The following DLG2 variants were observed in gnomAD, a reference collection of about 807,000 sequenced individuals.
DLG2 encodes discs large MAGUK scaffold protein 2, also known as disks large homolog 2.
A neutral mutation model predicts 132.5 loss-of-function variants in DLG2; 45 were observed. That is an observed-to-expected ratio of 0.34 (90% CI 0.27 to 0.44). The LOEUF is 0.44. Ranked by LOEUF, DLG2 falls within the 20% of genes least tolerant of loss-of-function variation. The probability of loss-of-function intolerance (pLI) is 1.00; values close to 1 mark genes in which losing one functional copy is unlikely to be tolerated. For missense variants in DLG2, 1,045 were observed against 1,196.9 expected (o/e 0.87, Z 1.87); for synonymous variants, 424 against 419.6 (o/e 1.01, Z -0.13).
chr11:84,294,887 AC>A (rs2098067334), intron 7 of DLG2, among the ~76,000 whole-genome samples: 1 of 152,176 alleles, frequency 6.6e-6, no homozygotes. Context: ...TGACACATTT[AC>A]CCCAATAAAA....
chr11:83,511,498 A>G (rs2095030575), intron 21 of DLG2, among the ~76,000 whole-genome samples: 1 of 152,178 alleles, frequency 6.6e-6, no homozygotes, highest in Non-Finnish European at 1.5e-5. Context: ...TTTCAGAGAA[A>G]TGGGGTGCTG....
chr11:84,739,516 A>T (rs890769563), intron 6 of DLG2, among the ~76,000 whole-genome samples: 4 of 152,168 alleles, frequency 2.6e-5, no homozygotes, highest in Non-Finnish European at 4.4e-5. Context: ...CCTGAGTTTT[A>T]AAAAATATTT....
At chr11:84,806,890 G>A (rs1416941145) in intron 6 of DLG2, among the ~76,000 whole-genome samples, 3 of 152,018 alleles carry the variant, frequency 2.0e-5, no homozygotes, top group African/African-American at 4.8e-5. Context: ...AAAATATATA[G>A]GGAAGACTAA....
intron 7 of DLG2, among the ~76,000 whole-genome samples, chr11:84,470,220 T>C (rs2099105148): frequency 6.6e-6 from 1 of 151,584 alleles, no homozygotes; most frequent in East Asian, 1.9e-4. Flanking sequence ...TCAGGAAAGA[T>C]AAGAGGAAAA....
intron 3 of DLG2, among the ~76,000 whole-genome samples, chr11:85,530,603 G>A (rs535985315): frequency 6.6e-6 from 1 of 152,252 alleles, no homozygotes; most frequent in East Asian, 1.9e-4. Flanking sequence ...TTACAGGTAC[G>A]AGCCACCACA....
chr11:84,052,701 A>C (rs1223757034), intron 11 of DLG2, among the ~76,000 whole-genome samples: 1 of 151,840 alleles, frequency 6.6e-6, no homozygotes, highest in African/African-American at 2.4e-5. Context: ...AAAAAAAAAA[A>C]AAAAACAGAT....
At chr11:84,427,278 C>A (rs1056952307) in intron 7 of DLG2, among the ~76,000 whole-genome samples, 1 of 151,896 alleles carries the variant, frequency 6.6e-6, no homozygotes, top group Non-Finnish European at 1.5e-5. Context: ...AAAGGAGGTA[C>A]GGAAGAAAAA....
At chr11:84,859,396 A>ATG (rs541137841) in intron 6 of DLG2, among the ~76,000 whole-genome samples, 49 of 145,194 alleles carry the variant, frequency 3.4e-4, no homozygotes, top group East Asian at 2.4e-3. Context: ...ATACATATAT[A>ATG]TGTATATATA....
chr11:83,959,431 C>T (rs1312575857), intron 14 of DLG2, among the ~76,000 whole-genome samples: 1 of 152,066 alleles, frequency 6.6e-6, no homozygotes, highest in Non-Finnish European at 1.5e-5. Flanking sequence ...AGACATGTTT[C>T]CCTACTGGCC....
At chr11:85,481,600 G>A (rs1343718500) in intron 3 of DLG2, among the ~76,000 whole-genome samples, 1 of 152,018 alleles carries the variant, frequency 6.6e-6, no homozygotes, top group Non-Finnish European at 1.5e-5. Flanking sequence ...CTAGCACCAG[G>A]AAGACCCCCA....
intron 7 of DLG2, among the ~76,000 whole-genome samples, chr11:84,449,327 A>C (rs926304602): frequency 5.3e-5 from 8 of 151,918 alleles, no homozygotes; most frequent in African/African-American, 1.9e-4. Context: ...TGCCACCTAC[A>C]TAAAACAGAA....
chr11:84,043,174 T>A (rs2096140520), intron 11 of DLG2, among the ~76,000 whole-genome samples: 2 of 151,542 alleles, frequency 1.3e-5, no homozygotes. Flanking sequence ...AATTTATTAA[T>A]TAAATTTATT....
intron 6 of DLG2, among the ~76,000 whole-genome samples, chr11:85,001,423 G>C (rs951099284): frequency 6.6e-6 from 1 of 152,174 alleles, no homozygotes; most frequent in Non-Finnish European, 1.5e-5. Flanking sequence ...TGATGAGAAT[G>C]AGGTAAGCAA....
At chr11:85,346,453 G>A (rs1204008639) in intron 3 of DLG2, among the ~76,000 whole-genome samples, 7 of 152,100 alleles carry the variant, frequency 4.6e-5, no homozygotes, top group Non-Finnish European at 1.0e-4. Context: ...CTCCCACAGT[G>A]CTGGGATTAC....
intron 4 of DLG2, among the ~76,000 whole-genome samples, chr11:85,266,344 C>T (rs11827372): frequency 6.6e-6 from 1 of 152,142 alleles, no homozygotes; most frequent in Non-Finnish European, 1.5e-5. Flanking sequence ...CATTCCCATA[C>T]TTGTGTGCTT....
chr11:84,886,326 T>C (rs2088300780), intron 6 of DLG2, among the ~76,000 whole-genome samples: 1 of 152,158 alleles, frequency 6.6e-6, no homozygotes, highest in South Asian at 2.1e-4. Flanking sequence ...TTGATTATCA[T>C]ATTTATAGAA....
intron 19 of DLG2, among the ~76,000 whole-genome samples, chr11:83,568,524 G>T (rs548034313): frequency 6.6e-6 from 1 of 152,132 alleles, no homozygotes; most frequent in Non-Finnish European, 1.5e-5. Context: ...AACTGAGATT[G>T]CCCTTAGAGA....
intron 3 of DLG2, among the ~76,000 whole-genome samples, chr11:85,589,080 C>T (rs1009329957): frequency 1.3e-5 from 2 of 152,068 alleles, no homozygotes; most frequent in African/African-American, 2.4e-5. Flanking sequence ...GTGGCAGGGG[C>T]GTGAAATAGA....
At chr11:84,508,617 C>G (rs1346192809) in intron 7 of DLG2, among the ~76,000 whole-genome samples, 1 of 152,058 alleles carries the variant, frequency 6.6e-6, no homozygotes, top group East Asian at 1.9e-4. Context: ...CCAGGCTGGT[C>G]TCGGACTCCT....
Sources: gnomAD v4.1 joint callset for allele counts (sites outside exome capture counted in the v4.1 genomes callset) on GRCh38, gnomAD v4.1.1 for gene constraint, MANE v1.5 for transcripts, NCBI Gene and HGNC (gene_info 2026-07-23, HGNC 2026-07-21) for gene names.